The following MYO5C variants were observed in gnomAD, a reference collection of about 807,000 sequenced individuals.
MYO5C encodes the protein unconventional myosin-Vc.
In MYO5C, 194 loss-of-function variants were observed where a neutral mutation model predicts 235.7. The ratio of observed to expected loss-of-function variants is 0.82; its 90% CI spans 0.73 to 0.93. The LOEUF is 0.93. Among genes scored for constraint, MYO5C ranks in the 40% least tolerant of loss-of-function variants. The probability of loss-of-function intolerance (pLI) is 0.00; values close to 1 mark genes in which losing one functional copy is unlikely to be tolerated. For synonymous variants in MYO5C, 707 were observed against 754.8 expected, an observed-to-expected ratio of 0.94 and a Z score of 1.04; for missense variants, 2,038 against 2,127.2, an observed-to-expected ratio of 0.96 and a Z score of 0.82.
chr15:52,248,598 A>G (rs752060982), intron 14 of MYO5C, 102 bp downstream of exon 14: 9 of 833,564 alleles, frequency 1.1e-5, no homozygotes, highest in Non-Finnish European at 1.6e-5. Context: ...ACACACACAC[A>G]CACACACACT....
intron 32 of MYO5C, among the ~76,000 whole-genome samples, chr15:52,216,933 G>T (rs572243228): frequency 6.6e-6 from 1 of 152,178 alleles, no homozygotes; most frequent in African/African-American, 2.4e-5. Flanking sequence ...ACCAAGGAAT[G>T]CCTGGAGCCC....
At position 52,275,561 on chromosome 15, in the gene MYO5C, C is replaced by G. The variant is rs896475086; in HGVS notation, c.606+1G>C. 6.2e-7 allele frequency: 1 copy of G among 1,614,178 alleles called. No individual in the cohort carries two copies. The highest frequency in any genetic ancestry group is 1.1e-5 in the South Asian group (1 of 91,078). On this transcript the variant is annotated splice_donor_variant, in intron 5 of 40. Transcript: ENST00000261839. LOFTEE classifies it high-confidence loss of function. ...CAGCTGCCTTCCGCAGTGGTACGCA[C>G]CTCGGTGATGGGATTGGATGCCAGG...
At chr15:52,290,515 G>T (rs1407750636) in intron 1 of MYO5C, among the ~76,000 whole-genome samples, 2 of 151,608 alleles carry the variant, frequency 1.3e-5, no homozygotes, top group African/African-American at 4.9e-5. Context: ...GAAGATATTT[G>T]TGAGTTCCTC....
At position 52,260,912 on chromosome 15, in the gene MYO5C, C is replaced by A; in HGVS notation, c.1263G>T (p.Leu421Phe). 6.2e-7 allele frequency: 1 copy of A among 1,614,242 alleles called. No homozygotes were observed. The highest frequency in any genetic ancestry group is 8.5e-7 in the Non-Finnish European group (1 of 1,180,052). Residue 421 changes from leucine (L) to phenylalanine (F), a missense_variant, in exon 10 of 41, where the codon TTG becomes TTT. By Grantham distance (22) the Leu-to-Phe change is conservative. Transcript: ENST00000261839. ...AAGTGTGCTGCTTGCCTGAAAACTG[C>A]AACGCTTGGTTAATTCTCTCCACAA... is the stretch of plus-strand genomic sequence containing the variant. Reference protein sequence around the residue: ...DFIVERINQALQFSGKQHTFI... With the variant: ...DFIVERINQAFQFSGKQHTFI...
chr15:52,261,729 C>T (rs527549834), intron 9 of MYO5C, among the ~76,000 whole-genome samples: 20 of 152,268 alleles, frequency 1.3e-4, no homozygotes, highest in Non-Finnish European at 2.8e-4. Flanking sequence ...GGCATGAGAG[C>T]TGCCCCGCTG....
At chr15:52,279,447 G>T in intron 3 of MYO5C, 62 bp downstream of exon 3, 1 of 1,548,288 alleles carries the variant, frequency 6.5e-7, no homozygotes, top group Non-Finnish European at 8.8e-7. Context: ...CAACCAGGAG[G>T]CTCTAGACAG....
intron 2 of MYO5C, among the ~76,000 whole-genome samples, chr15:52,281,247 G>A (rs1251007905): frequency 6.6e-6 from 1 of 152,168 alleles, no homozygotes; most frequent in East Asian, 1.9e-4. Flanking sequence ...GTTGACAGGT[G>A]GAGGCAGAGG....
Position 52,235,781 on chromosome 15 carries a change from G to GAA in MYO5C, c.2869-20_2869-19dup, listed in dbSNP as rs775658638. On this transcript the variant is annotated intron_variant, in intron 22 of 40. Transcript: ENST00000261839. ...GCCAATTTCTAGCAGAGGGAAGGGG[G>GAA]AAAAACAAACTTTTTTGAAAACCTC... The GAA allele has an allele frequency of 6.3e-7, 1 of 1,575,752 alleles. No individual in the cohort carries two copies. Among genetic ancestry groups the GAA allele is most frequent in the Admixed American group, 1.8e-5 (1 of 55,794 alleles).
chr15:52,213,215 C>T lies in MYO5C; in HGVS notation c.4114G>A (p.Ala1372Thr), dbSNP rs1476180522. 6.2e-7 allele frequency: 1 copy of T among 1,614,080 alleles called. No homozygotes were observed. The highest frequency in any genetic ancestry group is 2.2e-5 in the East Asian group (1 of 44,884). ...AGAATGAGGTTCTGAATGAGCTTGG[C>T]CTCGTCTTCTCTCTTGTATTGCAGC... ...GMLQYKREDE[A>T]KLIQNLILDL... The change falls in exon 34 of 41, where the codon GCC becomes ACC. Residue 1372 changes from alanine (A) to threonine (T), a missense_variant. Ala to Thr is a moderately conservative substitution (Grantham distance 58). Coordinates refer to ENST00000261839, the MANE Select transcript of MYO5C (RefSeq NM_018728.4).
At chr15:52,200,242 G>A (rs1344622323) in intron 38 of MYO5C, among the ~76,000 whole-genome samples, 1 of 152,118 alleles carries the variant, frequency 6.6e-6, no homozygotes, top group Non-Finnish European at 1.5e-5. Context: ...TCCGCCTGAT[G>A]AAAATATTGA....
chr15:52,222,864 G>A lies in MYO5C; in HGVS notation c.3627+680C>T, dbSNP rs529701349. On this transcript the variant is annotated intron_variant, in intron 29 of 40. Coordinates refer to ENST00000261839, the MANE Select transcript of MYO5C (RefSeq NM_018728.4). ...GCACGTCATGGAAGAGGAAGCCCTT[G>A]AAAAGGTGAGATTTGAAGGCCGGGC... 2.0e-5 allele frequency among the ~76,000 whole-genome samples: 3 copies of A among 152,268 alleles called. 1 individual carries two copies. The highest frequency in any genetic ancestry group is 7.2e-5 in the African/African-American group (3 of 41,564).
chr15:52,289,420 C>T (rs902065642), intron 1 of MYO5C, among the ~76,000 whole-genome samples: 2 of 152,190 alleles, frequency 1.3e-5, no homozygotes, highest in Non-Finnish European at 2.9e-5. Context: ...CCAGTGATGC[C>T]GACGCTCCTC....
intron 1 of MYO5C, among the ~76,000 whole-genome samples, chr15:52,284,208 T>C (rs199754354): frequency 9.1e-6 from 1 of 109,370 alleles, no homozygotes; most frequent in Non-Finnish European, 1.6e-5. Flanking sequence ...TTAATGAGAA[T>C]TAAAAAAAAA....
At chr15:52,290,315 AT>A (rs1350351663) in intron 1 of MYO5C, among the ~76,000 whole-genome samples, 4 of 152,116 alleles carry the variant, frequency 2.6e-5, no homozygotes, top group Admixed American at 1.3e-4. Context: ...CTACCCATAC[AT>A]AATACAATGG....
intron 22 of MYO5C, among the ~76,000 whole-genome samples, chr15:52,236,144 G>GC (rs555724481): frequency 8.9e-4 from 135 of 152,328 alleles, no homozygotes; most frequent in African/African-American, 3.2e-3. Context: ...TTCACACTTT[G>GC]CAACTGTTAT....
chr15:52,294,049 G>A (rs1407530662), intron 1 of MYO5C, among the ~76,000 whole-genome samples: 1 of 152,230 alleles, frequency 6.6e-6, no homozygotes, highest in Non-Finnish European at 1.5e-5. Context: ...GGGATTCTCA[G>A]ATTCTCATTC....
At chr15:52,268,586 G>A (rs149496145) in intron 8 of MYO5C, among the ~76,000 whole-genome samples, 1 of 152,266 alleles carries the variant, frequency 6.6e-6, no homozygotes, top group African/African-American at 2.4e-5. Context: ...GAAAGAAATG[G>A]CCGATGGCCT....
Position 52,195,387 on chromosome 15 carries a change from C to T in MYO5C, c.5066G>A (p.Arg1689His), listed in dbSNP as rs759174437. ...FEKRVTPSFV[R>H]KVQALLNSRE... ...CCTTAAGAATCTCACCTGTACTTTG[C>T]GAACAAAGGATGGAGTCACTCTCTT... Residue 1689 changes from arginine to histidine, a missense_variant, in exon 40 of 41, where the codon CGC becomes CAC. Coordinates refer to ENST00000261839, the MANE Select transcript of MYO5C (RefSeq NM_018728.4). 2.2e-5 allele frequency: 36 copies of T among 1,610,384 alleles called. No homozygotes were observed. Among genetic ancestry groups the T allele is most frequent in the Middle Eastern group, 1.6e-4 (1 of 6,074 alleles).
intron 32 of MYO5C, among the ~76,000 whole-genome samples, chr15:52,217,359 C>T (rs547827269): frequency 2.6e-5 from 4 of 152,310 alleles, no homozygotes; most frequent in Admixed American, 6.5e-5. Context: ...GCACCAGGAA[C>T]GAACTCATAA....
Sources: gnomAD v4.1 joint callset for allele counts (sites outside exome capture counted in the v4.1 genomes callset) on GRCh38, gnomAD v4.1.1 for gene constraint, MANE v1.5 for transcripts, NCBI Gene and HGNC (gene_info 2026-07-23, HGNC 2026-07-21) for gene names.